Variants in RGS6 observed in about 807,000 individuals in gnomAD.
The protein encoded by RGS6 is regulator of G protein signaling 6.
RGS6 carries 30 observed loss-of-function variants against 78.5 expected under a neutral mutation model. That is an observed-to-expected ratio of 0.38 (90% CI 0.29 to 0.52). The LOEUF (loss-of-function observed/expected upper bound fraction) is 0.52, where lower values mean the gene tolerates loss of function less well. RGS6 is among the 20% of genes least tolerant of loss of function. The pLI, the probability that RGS6 is intolerant of heterozygous loss-of-function variation, is 0.85. For missense variants in RGS6, 495 were observed against 609.7 expected (o/e 0.81, Z 1.98); for synonymous variants, 206 against 206.0 (o/e 1.00, Z 0.00).
At chr14:72,011,357 CT>C (rs957773427) in intron 2 of RGS6, among the ~76,000 whole-genome samples, 1 of 152,066 alleles carries the variant, frequency 6.6e-6, no homozygotes, top group African/African-American at 2.4e-5. Flanking sequence ...AAATTGTGGC[CT>C]CATGATGGCA....
rs1567146144 is a variant in RGS6 at position 72,564,530 on chromosome 14, G to T, written c.*2063G>T. The T allele has an allele frequency of 6.6e-6, 1 of 152,254 alleles. No homozygotes were observed. The highest frequency in any genetic ancestry group is 1.9e-4 in the East Asian group (1 of 5,174). 9.4% of individuals were successfully genotyped at this position (152,254 alleles called of 1,614,324 possible). On this transcript the variant is annotated 3_prime_UTR_variant, in exon 18 of 18. Coordinates refer to ENST00000553525, the MANE Select transcript of RGS6 (RefSeq NM_001204424.2). ...CCCCAGCCTTGCCCAAGGATCCCCG[G>T]GCTGTGCTGACCCCTAGGCATAGGG...
intron 2 of RGS6, among the ~76,000 whole-genome samples, chr14:72,152,245 AGTGTGTGT>A (rs10686344): frequency 5.1e-5 from 5 of 97,142 alleles, no homozygotes; most frequent in Non-Finnish European, 1.2e-4. Context: ...AGAGAGAGAG[AGTGTGTGT>A]GTGTGTGTGT....
intron 2 of RGS6, among the ~76,000 whole-genome samples, chr14:71,997,704 G>A (rs753637677): frequency 6.6e-6 from 1 of 152,164 alleles, no homozygotes; most frequent in Non-Finnish European, 1.5e-5. Context: ...TGAGTCAGAG[G>A]CCTGGGGGTC....
At chr14:72,238,806 T>C (rs1343648082) in intron 2 of RGS6, among the ~76,000 whole-genome samples, 1 of 152,140 alleles carries the variant, frequency 6.6e-6, no homozygotes, top group African/African-American at 2.4e-5. Flanking sequence ...CTGCAACACA[T>C]GAAAACTTTT....
intron 2 of RGS6, among the ~76,000 whole-genome samples, chr14:72,092,464 C>A (rs1192654577): frequency 5.9e-5 from 9 of 152,080 alleles, no homozygotes; most frequent in African/African-American, 2.2e-4. Context: ...TCACTGCAAC[C>A]TCCGCCTCCC....
chr14:72,075,246 T>A (rs187811345), intron 2 of RGS6, among the ~76,000 whole-genome samples: 2 of 152,342 alleles, frequency 1.3e-5, no homozygotes, highest in African/African-American at 4.8e-5. Context: ...CTTGTGACAC[T>A]ATGCTACTCG....
chr14:71,914,732 G>C, the RGS6 span, among the ~76,000 whole-genome samples: 1 of 151,812 alleles, frequency 6.6e-6, no homozygotes, highest in Non-Finnish European at 1.5e-5. Flanking sequence ...AAACACTGTG[G>C]TACCAACTTC....
Position 72,458,287 on chromosome 14 carries a change from G to A in RGS6, c.252G>A (p.Leu84=). ...TTCTTACAGTTGAAGCAATACACTT[G>A]GGGAGCCTTATCGCTGCCCAGGGCT... The part of the protein sequence containing the change: ...SIEDPVEAIH[L]GSLIAAQGYI... Residue 84 remains leucine (L), a synonymous_variant, in exon 5 of 18, where the codon TTG becomes TTA. Coordinates refer to ENST00000553525, the MANE Select transcript of RGS6 (RefSeq NM_001204424.2). 1 of 1,613,510 alleles carries A rather than the reference G, an allele frequency of 6.2e-7. No homozygotes were observed. Among genetic ancestry groups the A allele is most frequent in the South Asian group, 1.1e-5 (1 of 91,036 alleles).
At chr14:71,987,930 CAATG>C (rs66906822) in intron 2 of RGS6, among the ~76,000 whole-genome samples, 67,920 of 151,726 alleles carry the variant, frequency 0.45, 15,535 homozygotes, top group East Asian at 0.54. Context: ...TTTTTTCAAA[CAATG>C]AGAGAAAGTG....
chr14:72,277,095 G>A (rs1482969777), intron 2 of RGS6, among the ~76,000 whole-genome samples: 1 of 152,188 alleles, frequency 6.6e-6, no homozygotes, highest in Admixed American at 6.5e-5. Flanking sequence ...ACTTCCCTCA[G>A]TGTCCCAGAG....
intron 1 of RGS6, among the ~76,000 whole-genome samples, chr14:71,947,345 G>A (rs531052045): frequency 1.3e-5 from 2 of 152,300 alleles, no homozygotes; most frequent in African/African-American, 4.8e-5. Context: ...CAAAGCATAT[G>A]CTGCCAATTC....
At chr14:71,975,460 G>C (rs186842259) in intron 2 of RGS6, among the ~76,000 whole-genome samples, 190 of 151,698 alleles carry the variant, frequency 1.3e-3, no homozygotes, top group Non-Finnish European at 2.2e-3. Context: ...GTTGGTGCTT[G>C]GGGATTCTTT....
chr14:72,504,003 A>G (rs1247313940), intron 13 of RGS6, among the ~76,000 whole-genome samples: 1 of 152,200 alleles, frequency 6.6e-6, no homozygotes, highest in Non-Finnish European at 1.5e-5. Flanking sequence ...ACTGGGCAGG[A>G]GCATCCTGAT....
At chr14:72,244,260 CTT>C (rs10587768) in intron 2 of RGS6, among the ~76,000 whole-genome samples, 104,248 of 140,002 alleles carry the variant, frequency 0.74, 40,146 homozygotes, top group Non-Finnish European at 0.85. Context: ...ATTTGTCTAA[CTT>C]TTTTTTTTTT....
chr14:72,540,996 A>T, intron 17 of RGS6: 1 of 1,280,970 alleles, frequency 7.8e-7, no homozygotes, highest in Non-Finnish European at 1.0e-6. Flanking sequence ...TCCTCTTTCC[A>T]TGCTGGTCGG....
chr14:72,426,520 C>T (rs1171585947), intron 3 of RGS6, among the ~76,000 whole-genome samples: 1 of 152,176 alleles, frequency 6.6e-6, no homozygotes, highest in East Asian at 1.9e-4. Flanking sequence ...TTTATTATTC[C>T]CATTTTGTAG....
chr14:72,217,825 A>G (rs1407054757), intron 2 of RGS6, among the ~76,000 whole-genome samples: 1 of 152,148 alleles, frequency 6.6e-6, no homozygotes. Context: ...TTGGAGATTT[A>G]CTTTTCTCAA....
rs892834089 is a variant in RGS6 at position 71,988,151 on chromosome 14, G to A, written c.84+23276G>A. Among the ~76,000 whole-genome samples, 8 of 152,192 alleles carry A rather than the reference G, an allele frequency of 5.3e-5. No homozygotes were observed. The East Asian group carries it at 5.8e-4, about 11-fold the overall frequency. Reference sequence around the variant, plus strand: ...GGCGCTAATGTGACTCAAGGTAGATGAGCCCTTCGAGGAGCTAGTCAAGGA... The same window carrying A: ...GGCGCTAATGTGACTCAAGGTAGATAAGCCCTTCGAGGAGCTAGTCAAGGA... On this transcript the variant is annotated intron_variant, in intron 2 of 17. Transcript: ENST00000553525.
chr14:72,052,365 T>A (rs1006056899), intron 2 of RGS6, among the ~76,000 whole-genome samples: 7 of 152,186 alleles, frequency 4.6e-5, no homozygotes, highest in Non-Finnish European at 7.3e-5. Flanking sequence ...TGGTAGCAGG[T>A]CCTTACTCTC....
Sources: gnomAD v4.1 joint callset for allele counts (sites outside exome capture counted in the v4.1 genomes callset) on GRCh38, gnomAD v4.1.1 for gene constraint, MANE v1.5 for transcripts, NCBI Gene and HGNC (gene_info 2026-07-23, HGNC 2026-07-21) for gene names.